DIP2C: variants seen among roughly 807,000 people sequenced by gnomAD.
DIP2C encodes DIP2 acetate--CoA ligase C (putative).
Under a neutral mutation model 192.4 loss-of-function variants are expected in DIP2C, and 33 were observed. The ratio of observed to expected loss-of-function variants is 0.17; its 90% CI spans 0.13 to 0.23. The LOEUF (loss-of-function observed/expected upper bound fraction) is 0.23, where lower values mean the gene tolerates loss of function less well. DIP2C is among the 10% of genes least tolerant of loss of function. DIP2C has a pLI of 1.00. For synonymous variants in DIP2C, 979 were observed against 864.1 expected (o/e 1.13, Z -2.33); for missense variants, 1,537 against 2,110.1 (o/e 0.73, Z 5.32).
At chr10:348,524 G>C in intron 26 of DIP2C, 117 bp downstream of exon 26, 2 of 1,506,436 alleles carry the variant, frequency 1.3e-6, no homozygotes, top group Non-Finnish European at 1.8e-6. Flanking sequence ...TTTGACTCCA[G>C]ACACACCCCG....
At chr10:337,999 CTG>C (rs910424290) in intron 29 of DIP2C, among the ~76,000 whole-genome samples, 13 of 145,752 alleles carry the variant, frequency 8.9e-5, no homozygotes, top group African/African-American at 2.3e-4. Flanking sequence ...GCCTAGGAAG[CTG>C]TGTGTGTGCT....
chr10:393,857 ATCACC>A (rs967507271), intron 10 of DIP2C, among the ~76,000 whole-genome samples: 20 of 151,520 alleles, frequency 1.3e-4, no homozygotes, highest in African/African-American at 4.4e-4. Context: ...ACAAGGAGAC[ATCACC>A]TCACATTTCT....
At chr10:472,830 A>C (rs1588215445) in intron 2 of DIP2C, among the ~76,000 whole-genome samples, 1 of 152,244 alleles carries the variant, frequency 6.6e-6, no homozygotes. Flanking sequence ...ACAGGTGGCA[A>C]CTGAATTCCT....
intron 36 of DIP2C, 77 bp downstream of exon 36, chr10:281,123 C>T (rs369613679): frequency 6.1e-5 from 96 of 1,576,950 alleles, no homozygotes; most frequent in African/African-American, 2.3e-4. Context: ...TCTCCTCCAC[C>T]GCCGTGCTCT....
intron 1 of DIP2C, among the ~76,000 whole-genome samples, chr10:561,253 T>C (rs1297684542): frequency 4.6e-5 from 7 of 152,156 alleles, no homozygotes; most frequent in Admixed American, 2.6e-4. Flanking sequence ...TGATTCTCTT[T>C]GCTGACATGG....
intron 1 of DIP2C, among the ~76,000 whole-genome samples, chr10:549,342 C>G (rs1848471033): frequency 6.6e-6 from 1 of 152,180 alleles, no homozygotes; most frequent in African/African-American, 2.4e-5. Context: ...AGCAGACAGT[C>G]CATTGCTCTA....
intron 1 of DIP2C, chr10:630,159 C>T (rs1008155971): frequency 1.3e-5 from 2 of 152,190 alleles, no homozygotes; most frequent in African/African-American, 4.8e-5. Flanking sequence ...AAGCAAAACC[C>T]GAGACTCACG....
intron 12 of DIP2C, 35 bp from the exon 13 acceptor site, chr10:390,128 G>A (rs1404821350): frequency 1.2e-6 from 2 of 1,602,076 alleles, no homozygotes; most frequent in Non-Finnish European, 1.7e-6. Context: ...AAGTGGGGCT[G>A]ACAGGTCACG....
At position 459,113 on chromosome 10, in the gene DIP2C, A is replaced by G. The variant is rs182263852; in HGVS notation, c.268+13326T>C. ...TTTTGCCAGTGGGGCTAATATTTTG[A>G]TATTTGTGGCATTAGAAAGTAAATC... is the stretch of plus-strand genomic sequence containing the variant. On this transcript the variant is annotated intron_variant, in intron 3 of 36. Transcript: ENST00000280886. Among the ~76,000 whole-genome samples, 472 of 152,140 alleles carry G rather than the reference A, an allele frequency of 3.1e-3. 1 individual carries two copies. The highest frequency in any genetic ancestry group is 0.01 in the African/African-American group (430 of 41,518).
chr10:397,099 G>A (rs1964048342), intron 10 of DIP2C, among the ~76,000 whole-genome samples: 1 of 152,216 alleles, frequency 6.6e-6, no homozygotes, highest in Non-Finnish European at 1.5e-5. Flanking sequence ...CGTGGCAGAT[G>A]GTTTTCTTAA....
chr10:534,692 C>T (rs1000748821), intron 1 of DIP2C, among the ~76,000 whole-genome samples: 3 of 140,976 alleles, frequency 2.1e-5, no homozygotes, highest in South Asian at 2.2e-4. Context: ...TTTTTTGAGA[C>T]GGAGTCTCGC....
chr10:535,281 G>A (rs754817869), intron 1 of DIP2C, among the ~76,000 whole-genome samples: 1 of 152,016 alleles, frequency 6.6e-6, no homozygotes, highest in African/African-American at 2.4e-5. Context: ...GTCAGGGCCA[G>A]GGGTGGGGAG....
intron 6 of DIP2C, among the ~76,000 whole-genome samples, chr10:417,302 C>T (rs891793595): frequency 6.6e-6 from 1 of 152,082 alleles, no homozygotes; most frequent in Non-Finnish European, 1.5e-5. Context: ...GTGTGGGAGG[C>T]TATGACACGC....
intron 3 of DIP2C, among the ~76,000 whole-genome samples, chr10:464,942 G>A (rs916278832): frequency 4.0e-5 from 6 of 150,626 alleles, no homozygotes; most frequent in South Asian, 2.1e-4. Context: ...ATTCACAGCC[G>A]AATTCTACCA....
intron 3 of DIP2C, among the ~76,000 whole-genome samples, chr10:469,470 C>T (rs1242421867): frequency 6.6e-6 from 1 of 152,024 alleles, no homozygotes; most frequent in East Asian, 1.9e-4. Context: ...GCATGCACCA[C>T]CATGCCTGGC....
intron 1 of DIP2C, among the ~76,000 whole-genome samples, chr10:600,659 G>A (rs997929018): frequency 2.0e-5 from 3 of 152,030 alleles, no homozygotes; most frequent in Non-Finnish European, 4.4e-5. Context: ...CCTTAAAGAG[G>A]ATGGCCCAGG....
At chr10:546,632 A>C (rs1013162140) in intron 1 of DIP2C, among the ~76,000 whole-genome samples, 1 of 152,248 alleles carries the variant, frequency 6.6e-6, no homozygotes, top group East Asian at 1.9e-4. Flanking sequence ...TCTGCAACGC[A>C]GAGTCTGGAC....
chr10:662,004 C>T (rs1456353692), intron 1 of DIP2C: 2 of 712,896 alleles, frequency 2.8e-6, no homozygotes, highest in Non-Finnish European at 5.2e-6. Context: ...CTCCTCCTCT[C>T]GCCATGGCGA....
chr10:409,134 G>A, intron 8 of DIP2C, 117 bp from the exon 9 acceptor site: 2 of 961,168 alleles, frequency 2.1e-6, no homozygotes, highest in Admixed American at 2.7e-5. Context: ...TGGTCTGCAA[G>A]CGACTTGAAG....
Sources: gnomAD v4.1 joint callset for allele counts (sites outside exome capture counted in the v4.1 genomes callset) on GRCh38, gnomAD v4.1.1 for gene constraint, MANE v1.5 for transcripts, NCBI Gene and HGNC (gene_info 2026-07-23, HGNC 2026-07-21) for gene names.